RNF4: variants seen among roughly 807,000 people sequenced by gnomAD.
RNF4 encodes the protein E3 ubiquitin-protein ligase RNF4.
Under a neutral mutation model 24.3 loss-of-function variants are expected in RNF4, and 7 were observed. That is an observed-to-expected ratio of 0.29 (90% CI 0.16 to 0.54). The LOEUF is 0.54. Among genes scored for constraint, RNF4 ranks in the 20% least tolerant of loss-of-function variants. The pLI is 0.95. For missense variants in RNF4, 209 were observed against 248.5 expected, an observed-to-expected ratio of 0.84 and a Z score of 1.07; for synonymous variants, 83 against 84.3, an observed-to-expected ratio of 0.98 and a Z score of 0.09.
In RNF4 at chr4:2,513,891, A is replaced by T; in HGVS notation, c.*72A>T. On this transcript the variant is annotated 3_prime_UTR_variant, in exon 8 of 8. Transcript: ENST00000314289. ...AGGTTCTCCAGTGGTATCTGCCTCC[A>T]TTTTCCTGAGATCAAAAAGACTGTT... is the stretch of plus-strand genomic sequence containing the variant. The T allele has an allele frequency of 6.3e-7, 1 of 1,589,914 alleles. No individual in the cohort carries two copies. Among genetic ancestry groups the T allele is most frequent in the Admixed American group, 1.7e-5 (1 of 58,256 alleles).
chr4:2,492,949 G>A (rs1578511846), intron 2 of RNF4, among the ~76,000 whole-genome samples: 1 of 152,240 alleles, frequency 6.6e-6, no homozygotes, highest in Non-Finnish European at 1.5e-5. Context: ...AAGTTACGGT[G>A]TGGTTATAGC....
chr4:2,485,831 A>G lies in RNF4; in HGVS notation c.-157-4506A>G, dbSNP rs766295941. Among the ~76,000 whole-genome samples the G allele has an allele frequency of 6.6e-4, 101 of 152,170 alleles. 2 individuals are homozygous for G. Among genetic ancestry groups the G allele is most frequent in the Non-Finnish European group, 1.8e-4 (12 of 68,030 alleles). ...AGCCTTGTCCTCGTAGCGCTTACCT[A>G]AGTGAGAGCATACTGGACGAGAGAC... is the stretch of plus-strand genomic sequence containing the variant. On this transcript the variant is annotated intron_variant, in intron 1 of 7. Coordinates refer to ENST00000314289, the MANE Select transcript of RNF4 (RefSeq NM_002938.5).
intron 1 of RNF4, among the ~76,000 whole-genome samples, chr4:2,487,144 T>G (rs1003940144): frequency 6.6e-6 from 1 of 152,206 alleles, no homozygotes; most frequent in African/African-American, 2.4e-5. Context: ...GAAGCATTTG[T>G]GCTCCGGGCT....
chr4:2,479,153 A>T (rs893117069), intron 1 of RNF4, among the ~76,000 whole-genome samples: 2 of 152,106 alleles, frequency 1.3e-5, no homozygotes, highest in African/African-American at 4.8e-5. Flanking sequence ...GTTTTGGCCA[A>T]TTTCTCCCAT....
intron 2 of RNF4, among the ~76,000 whole-genome samples, chr4:2,493,132 T>A (rs1187649254): frequency 6.6e-6 from 1 of 151,948 alleles, no homozygotes; most frequent in Non-Finnish European, 1.5e-5. Context: ...GGGAAGCTAC[T>A]TGGGAGGAGG....
chr4:2,509,767 C>A (rs939411200), intron 4 of RNF4, among the ~76,000 whole-genome samples: 1 of 152,138 alleles, frequency 6.6e-6, no homozygotes, highest in Non-Finnish European at 1.5e-5. Flanking sequence ...AGACTCAGTA[C>A]GCGCACTGTC....
intron 1 of RNF4, among the ~76,000 whole-genome samples, chr4:2,477,274 G>A (rs1176684607): frequency 6.6e-6 from 1 of 151,986 alleles, no homozygotes; most frequent in Non-Finnish European, 1.5e-5. Flanking sequence ...TCTCATGATG[G>A]TGAATAAGTC....
intron 2 of RNF4, among the ~76,000 whole-genome samples, chr4:2,491,259 C>T: frequency 6.6e-6 from 1 of 152,148 alleles, no homozygotes; most frequent in East Asian, 1.9e-4. Flanking sequence ...GTTTTTGAAA[C>T]AGGGTCTCGC....
In RNF4 at chr4:2,486,790, G is replaced by T. The variant is rs539206538; in HGVS notation, c.-157-3547G>T. ...GTGTGGACATCAGGTGTTTCCCTTT[G>T]CTCTGCAGGCTGATTTCTCTGTCTT... On this transcript the variant is annotated intron_variant, in intron 1 of 7. Coordinates refer to ENST00000314289, the MANE Select transcript of RNF4 (RefSeq NM_002938.5). Among the ~76,000 whole-genome samples the T allele has an allele frequency of 2.8e-3, 423 of 152,302 alleles. 1 individual carries two copies. The highest frequency in any genetic ancestry group is 4.6e-3 in the Non-Finnish European group (312 of 68,020).
intron 1 of RNF4, among the ~76,000 whole-genome samples, chr4:2,475,331 T>TTTTG (rs35342608): frequency 0.19 from 27,551 of 146,526 alleles, 2,969 homozygotes; most frequent in Middle Eastern, 0.29. Flanking sequence ...GCACCTGGCT[T>TTTTG]TTTGTTTGTT....
chr4:2,493,738 C>T (rs1442772546), intron 2 of RNF4, among the ~76,000 whole-genome samples: 6 of 106,234 alleles, frequency 5.6e-5, no homozygotes, highest in African/African-American at 1.2e-4. Flanking sequence ...AGTGAGACTC[C>T]GTCTTAAAAA....
chr4:2,491,172 A>G (rs983709689), intron 2 of RNF4, among the ~76,000 whole-genome samples: 1 of 152,254 alleles, frequency 6.6e-6, no homozygotes, highest in African/African-American at 2.4e-5. Context: ...GTAATAATCC[A>G]TAGTGAAAAG....
In RNF4 at chr4:2,484,067, TCC is replaced by T. The variant is rs56727538; in HGVS notation, c.-157-6263_-157-6262del. ...GTCTCGAACTCCTGGCCTCAGGTGA[TCC>T]CCCCCCGCCTCGGCCTCCCAAAGTG... On this transcript the variant is annotated intron_variant, in intron 1 of 7. Coordinates refer to ENST00000314289, the MANE Select transcript of RNF4 (RefSeq NM_002938.5). Among the ~76,000 whole-genome samples, 15 of 13,282 alleles carry T rather than the reference TCC, an allele frequency of 1.1e-3. 6 individuals carry two copies. Among genetic ancestry groups the T allele is most frequent in the Non-Finnish European group, 1.6e-3 (10 of 6,348 alleles). 8.7% of individuals were successfully genotyped at this position (13,282 alleles called of 152,430 possible).
At chr4:2,480,385 G>A (rs1025577907) in intron 1 of RNF4, 1 of 150,380 alleles carries the variant, frequency 6.6e-6, no homozygotes, top group African/African-American at 2.5e-5. Flanking sequence ...GGGTTCTCCT[G>A]CCTCAGCCTC....
At chr4:2,493,412 G>A (rs965797192) in intron 2 of RNF4, among the ~76,000 whole-genome samples, 1 of 151,966 alleles carries the variant, frequency 6.6e-6, no homozygotes, top group East Asian at 1.9e-4. Context: ...CTGCTTTCTT[G>A]GCTCCCTCAG....
intron 1 of RNF4, among the ~76,000 whole-genome samples, chr4:2,472,287 C>A (rs1297654828): frequency 6.6e-6 from 1 of 152,164 alleles, no homozygotes; most frequent in Non-Finnish European, 1.5e-5. Flanking sequence ...TTTAAGCCCA[C>A]TATTGAGATC....
rs1332359033 is a variant in RNF4, at chr4:2,514,044, C to T, written c.*225C>T. ...GCCATCTCTGTTCCTCTGGGGTGGT[C>T]CAGTTCTAGAGTGGGAGAAAGGGAG... On this transcript the variant is annotated 3_prime_UTR_variant, in exon 8 of 8. Transcript: ENST00000314289. 1.4e-5 allele frequency: 8 copies of T among 573,844 alleles called. No homozygotes were observed. Among genetic ancestry groups the T allele is most frequent in the Non-Finnish European group, 1.8e-5 (6 of 328,976 alleles). 35.5% of individuals were successfully genotyped at this position (573,844 alleles called of 1,614,324 possible). A position where few individuals can be genotyped will look rare whatever the true frequency, so the allele number is the denominator to read the frequency against.
chr4:2,484,067 T>TTCCCCCCCCCCCCCCCCCCCCCCC (rs113878655), intron 1 of RNF4, among the ~76,000 whole-genome samples: 1 of 13,248 alleles, frequency 7.5e-5, no homozygotes, highest in Non-Finnish European at 1.6e-4. Context: ...CCTCAGGTGA[T>TTCCCCCCCCCCCCCCCCCCCCCCC]CCCCCCCCGC....
At position 2,513,133 on chromosome 4, in the gene RNF4, T is replaced by C. The variant is rs769489531; in HGVS notation, c.423+2T>C. The C allele has an allele frequency of 6.2e-7, 1 of 1,613,466 alleles. No individual in the cohort carries two copies. The highest frequency in any genetic ancestry group is 8.5e-7 in the Non-Finnish European group (1 of 1,179,452). On this transcript the variant is annotated splice_donor_variant, in intron 7 of 7. Coordinates refer to ENST00000314289, the MANE Select transcript of RNF4 (RefSeq NM_002938.5). LOFTEE classifies it high-confidence loss of function. Reference sequence around the variant, plus strand: ...ATCTGCATGGACGGATACTCAGAGGTAAGTAAACCAAGCTGTATCTTCCAG... The same window carrying C: ...ATCTGCATGGACGGATACTCAGAGGCAAGTAAACCAAGCTGTATCTTCCAG...
Sources: gnomAD v4.1 joint callset for allele counts (sites outside exome capture counted in the v4.1 genomes callset) on GRCh38, gnomAD v4.1.1 for gene constraint, MANE v1.5 for transcripts, NCBI Gene and HGNC (gene_info 2026-07-23, HGNC 2026-07-21) for gene names.